GRIK4: variants seen among roughly 807,000 people sequenced by gnomAD.
The protein encoded by GRIK4 is glutamate receptor ionotropic, kainate 4.
In GRIK4, 40 loss-of-function variants were observed where a neutral mutation model predicts 104.9. That is an observed-to-expected ratio of 0.38 (90% CI 0.30 to 0.50). The LOEUF (loss-of-function observed/expected upper bound fraction) is 0.50, where lower values mean the gene tolerates loss of function less well. Among genes scored for constraint, GRIK4 ranks in the 20% least tolerant of loss-of-function variants. The pLI is 0.93. For synonymous variants in GRIK4, 485 were observed against 524.9 expected, an observed-to-expected ratio of 0.92 and a Z score of 1.04; for missense variants, 1,047 against 1,308.1, an observed-to-expected ratio of 0.80 and a Z score of 3.08.
intron 1 of GRIK4, among the ~76,000 whole-genome samples, chr11:120,608,800 G>A (rs561576936): frequency 6.6e-5 from 10 of 152,098 alleles, no homozygotes; most frequent in African/African-American, 1.7e-4. Context: ...TTCTGGAAGC[G>A]CCTGTGTCTC....
At chr11:120,710,921 A>G (rs1950720773) in intron 3 of GRIK4, among the ~76,000 whole-genome samples, 1 of 152,002 alleles carries the variant, frequency 6.6e-6, no homozygotes, top group East Asian at 1.9e-4. Context: ...AGCTGACTAC[A>G]AAACTGTCAT....
intron 3 of GRIK4, among the ~76,000 whole-genome samples, chr11:120,676,470 C>T (rs1474930542): frequency 6.6e-6 from 1 of 152,154 alleles, no homozygotes; most frequent in Admixed American, 6.5e-5. Context: ...AGGGCGTGGC[C>T]CTGGCTTCTG....
intron 4 of GRIK4, among the ~76,000 whole-genome samples, chr11:120,806,217 T>A (rs535111932): frequency 6.6e-6 from 1 of 152,156 alleles, no homozygotes; most frequent in Admixed American, 6.5e-5. Flanking sequence ...GCCTCCCCCC[T>A]CTCTCTTGTT....
chr11:120,679,637 G>A (rs1237764895), intron 3 of GRIK4, among the ~76,000 whole-genome samples: 1 of 152,150 alleles, frequency 6.6e-6, no homozygotes, highest in Non-Finnish European at 1.5e-5. Context: ...TCCACCCTCT[G>A]GACACATGAA....
At chr11:120,848,259 C>A (rs1187111803) in intron 8 of GRIK4, among the ~76,000 whole-genome samples, 1 of 152,124 alleles carries the variant, frequency 6.6e-6, no homozygotes, top group Admixed American at 6.5e-5. Context: ...TCCAGGAGAC[C>A]CCAGGTGGGC....
chr11:120,664,899 TA>T (rs1235507777), intron 3 of GRIK4, among the ~76,000 whole-genome samples: 1 of 152,180 alleles, frequency 6.6e-6, no homozygotes, highest in Non-Finnish European at 1.5e-5. Context: ...ATCAGCAGGT[TA>T]TTGCAGCAAT....
chr11:120,760,028 AT>A (rs1400587956), intron 3 of GRIK4, among the ~76,000 whole-genome samples: 1 of 151,894 alleles, frequency 6.6e-6, no homozygotes, highest in Non-Finnish European at 1.5e-5. Flanking sequence ...TATATTAGAG[AT>A]TTTTGTTAAA....
chr11:120,574,058 A>T, intron 1 of GRIK4, among the ~76,000 whole-genome samples: 1 of 152,200 alleles, frequency 6.6e-6, no homozygotes, highest in Non-Finnish European at 1.5e-5. Flanking sequence ...TGACTCAGGG[A>T]TAGAGTGCAC....
chr11:120,911,991 C>T (rs935104165), intron 13 of GRIK4, among the ~76,000 whole-genome samples: 7 of 152,174 alleles, frequency 4.6e-5, no homozygotes, highest in African/African-American at 1.4e-4. Flanking sequence ...TGTATCATGC[C>T]TTCTAATTTT....
rs187084349 is a variant in GRIK4 at position 120,537,034 on chromosome 11, C to T, written c.-159+25147C>T. Among the ~76,000 whole-genome samples, 50 of 152,246 alleles carry T rather than the reference C, an allele frequency of 3.3e-4. No individual in the cohort carries two copies. In the East Asian group the frequency reaches 8.7e-3, roughly 27 times the overall value. ...GTGCGTAGGGCCTCACTCTGAGACA[C>T]GTTGATAAAGTCCACAGTTCTTTCG... On this transcript the variant is annotated intron_variant, in intron 1 of 20. Coordinates refer to ENST00000527524, the MANE Select transcript of GRIK4 (RefSeq NM_014619.5).
In GRIK4 at chr11:120,903,504, T is replaced by C. The variant is rs1279577790; in HGVS notation, c.1273-1786T>C. On this transcript the variant is annotated intron_variant, in intron 12 of 20. Coordinates refer to ENST00000527524, the MANE Select transcript of GRIK4 (RefSeq NM_014619.5). This position sits in a 1 kb window ranked among gnomAD's most constrained non-coding sequence, Gnocchi z 4.4. Reference sequence around the variant, plus strand: ...TGGGCCCTTGCTCCACCAGCTAGCATGGTTCTTTCCTCCTCTTTTCTCCCC... The same window carrying C: ...TGGGCCCTTGCTCCACCAGCTAGCACGGTTCTTTCCTCCTCTTTTCTCCCC... 6.6e-6 allele frequency among the ~76,000 whole-genome samples: 1 copy of C among 152,102 alleles called. No homozygotes were observed. The highest frequency in any genetic ancestry group is 2.4e-5 in the African/African-American group (1 of 41,410).
intron 11 of GRIK4, among the ~76,000 whole-genome samples, chr11:120,875,457 A>G (rs1243631394): frequency 6.6e-6 from 1 of 152,154 alleles, no homozygotes; most frequent in Non-Finnish European, 1.5e-5. Context: ...AATACTAAGA[A>G]GGAGAGAACT....
intron 18 of GRIK4, among the ~76,000 whole-genome samples, chr11:120,963,287 G>A (rs1944323933): frequency 1.3e-5 from 2 of 152,202 alleles, no homozygotes; most frequent in Non-Finnish European, 2.9e-5. Context: ...CCGTCTTGTT[G>A]TATTAATAGG....
intron 1 of GRIK4, among the ~76,000 whole-genome samples, chr11:120,539,891 A>G (rs1392304502): frequency 6.6e-6 from 1 of 152,182 alleles, no homozygotes; most frequent in East Asian, 1.9e-4. Flanking sequence ...AAGGTTACCC[A>G]CCAAATGCAA....
At chr11:120,778,460 G>T (rs1407088488) in intron 3 of GRIK4, among the ~76,000 whole-genome samples, 1 of 152,210 alleles carries the variant, frequency 6.6e-6, no homozygotes, top group Non-Finnish European at 1.5e-5. Flanking sequence ...ACTTTAGTTT[G>T]TATTTAATGA....
chr11:120,551,816 T>C (rs529833322), intron 1 of GRIK4, among the ~76,000 whole-genome samples: 118 of 151,928 alleles, frequency 7.8e-4, no homozygotes, highest in African/African-American at 2.7e-3. Flanking sequence ...TAAAATTTTA[T>C]GTGGTTAACA....
At chr11:120,763,630 T>A (rs890663261) in intron 3 of GRIK4, among the ~76,000 whole-genome samples, 1 of 152,352 alleles carries the variant, frequency 6.6e-6, no homozygotes, top group Middle Eastern at 3.4e-3. Flanking sequence ...TCCCAGAGAT[T>A]CTGGTACGTT....
rs1565533487 is a variant in GRIK4, at chr11:120,513,688, C to T, written c.-159+1801C>T. 6.6e-6 allele frequency among the ~76,000 whole-genome samples: 1 copy of T among 152,210 alleles called. No individual in the cohort carries two copies. The highest frequency in any genetic ancestry group is 1.5e-5 in the Non-Finnish European group (1 of 68,036). ...TGGCCCGGGCTTGCCCACCAGCCTC[C>T]CGCCTGCCTCACCAGCTCCACCCCT... On this transcript the variant is annotated intron_variant, in intron 1 of 20. Coordinates refer to ENST00000527524, the MANE Select transcript of GRIK4 (RefSeq NM_014619.5). The surrounding 1 kb of genome is among the most constrained non-coding windows in gnomAD (Gnocchi z 4.5).
intron 1 of GRIK4, among the ~76,000 whole-genome samples, chr11:120,520,509 G>T (rs571911205): frequency 6.6e-6 from 1 of 152,212 alleles, no homozygotes; most frequent in African/African-American, 2.4e-5. Flanking sequence ...AGAAGGCAGC[G>T]ACATAAAGCA....
Sources: gnomAD v4.1 joint callset for allele counts (sites outside exome capture counted in the v4.1 genomes callset) on GRCh38, gnomAD v4.1.1 for gene constraint, Gnocchi (gnomAD v3.1) non-coding constraint, MANE v1.5 for transcripts, NCBI Gene and HGNC (gene_info 2026-07-23, HGNC 2026-07-21) for gene names.